The following STIL variants were observed in gnomAD, a reference collection of about 807,000 sequenced individuals.
STIL encodes SCL-interrupting locus protein.
A neutral mutation model predicts 110.1 loss-of-function variants in STIL; 55 were observed. The ratio of observed to expected loss-of-function variants is 0.50; its 90% CI spans 0.40 to 0.63. The LOEUF (loss-of-function observed/expected upper bound fraction) is 0.63. Ranked by LOEUF, STIL falls within the 20% of genes least tolerant of loss-of-function variation. The pLI is 0.00. For synonymous variants in STIL, 481 were observed against 530.0 expected, an observed-to-expected ratio of 0.91 and a Z score of 1.27; for missense variants, 1,358 against 1,530.0, an observed-to-expected ratio of 0.89 and a Z score of 1.87.
intron 12 of STIL, among the ~76,000 whole-genome samples, chr1:47,277,093 C>G (rs760827130): frequency 3.9e-5 from 6 of 152,084 alleles, no homozygotes; most frequent in Non-Finnish European, 7.3e-5. Context: ...TGAGCTCCTT[C>G]CCTGGAGCTT....
chr1:47,293,852 C>G (rs1645566128), intron 7 of STIL, among the ~76,000 whole-genome samples: 1 of 152,030 alleles, frequency 6.6e-6, no homozygotes, highest in African/African-American at 2.4e-5. Flanking sequence ...AAATGGTTAA[C>G]AGAGATGAAA....
intron 7 of STIL, 77 bp downstream of exon 7, chr1:47,295,688 T>G (rs1645621995): frequency 2.0e-6 from 2 of 1,002,604 alleles, no homozygotes; most frequent in Non-Finnish European, 3.1e-6. Flanking sequence ...ATATTTATAG[T>G]ACAACTGAGT....
chr1:47,256,421 G>A (rs2148672968), intron 16 of STIL, among the ~76,000 whole-genome samples: 1 of 151,976 alleles, frequency 6.6e-6, no homozygotes, highest in East Asian at 1.9e-4. Flanking sequence ...AGGAGTTTGA[G>A]ACTAGCCTGG....
At chr1:47,294,896 C>T (rs1645597648) in intron 7 of STIL, among the ~76,000 whole-genome samples, 1 of 152,022 alleles carries the variant, frequency 6.6e-6, no homozygotes, top group East Asian at 1.9e-4. Flanking sequence ...TAAGCCTTCA[C>T]CTTCAACCAG....
In STIL at chr1:47,251,101, C is replaced by T. The variant is rs1569969061; in HGVS notation, c.*35G>A. ...TCCCTAAGTATCTTCAGGAGACACC[C>T]TGTCCCTGTATTAAAAGGGCAGGGA... is the stretch of plus-strand genomic sequence containing the variant. On this transcript the variant is annotated 3_prime_UTR_variant, in exon 17 of 17. Transcript: ENST00000371877. 2 of 1,597,962 alleles carry T rather than the reference C, an allele frequency of 1.3e-6. No individual in the cohort carries two copies. The highest frequency in any genetic ancestry group is 1.7e-6 in the Non-Finnish European group (2 of 1,169,210).
chr1:47,273,086 A>G (rs1465256617), intron 12 of STIL, among the ~76,000 whole-genome samples: 1 of 152,160 alleles, frequency 6.6e-6, no homozygotes, highest in African/African-American at 2.4e-5. Flanking sequence ...TTTTTTTTAC[A>G]AGTAAGAAAA....
chr1:47,250,789 G>A lies in STIL; in HGVS notation c.*347C>T. The A allele has an allele frequency of 4.7e-6, 1 of 213,852 alleles. No homozygotes were observed. The highest frequency in any genetic ancestry group is 1.6e-3 in the Middle Eastern group (1 of 614). The allele number at this position is 213,852 out of a possible 1,614,324, so 13.2% of individuals were successfully genotyped here. A position where few individuals can be genotyped will look rare whatever the true frequency, so the allele number is the denominator to read the frequency against. ...TCTGAGATCCTGCCATTGCACTCCAGCCTGGGCTACAAGAGCAAAACTCCG... is the reference window on the plus strand; with the variant it reads ...TCTGAGATCCTGCCATTGCACTCCAACCTGGGCTACAAGAGCAAAACTCCG... On this transcript the variant is annotated 3_prime_UTR_variant, in exon 17 of 17. Transcript: ENST00000371877.
At chr1:47,275,523 G>A (rs1421704760) in intron 12 of STIL, among the ~76,000 whole-genome samples, 1 of 151,722 alleles carries the variant, frequency 6.6e-6, no homozygotes, top group East Asian at 2.0e-4. Flanking sequence ...CAGGAGAATG[G>A]TGTGAACCCG....
chr1:47,304,013 A>G (rs1557772587), intron 3 of STIL, among the ~76,000 whole-genome samples: 1 of 152,156 alleles, frequency 6.6e-6, no homozygotes, highest in Non-Finnish European at 1.5e-5. Context: ...CCCCTACAAG[A>G]GAACTGTGAA....
In STIL at chr1:47,293,527, G is replaced by A. The variant is rs765000955; in HGVS notation, c.803C>T (p.Thr268Ile). The A allele has an allele frequency of 4.3e-6, 7 of 1,612,726 alleles. No homozygotes were observed. The highest frequency in any genetic ancestry group is 8.5e-7 in the Non-Finnish European group (1 of 1,179,214). Residue 268 changes from threonine (T) to isoleucine (I), a missense_variant, in exon 8 of 17, where the codon ACA becomes ATA. Coordinates refer to ENST00000371877, the MANE Select transcript of STIL (RefSeq NM_001048166.1). ...CCATACCTGAGGACTATAGATATGTGTAATTCCAGACAGCCAACTAAAAGA... is the reference window on the plus strand; with the variant it reads ...CCATACCTGAGGACTATAGATATGTATAATTCCAGACAGCCAACTAAAAGA... ...PLVGIWLSGI[T>I]HIYSPQVWAC...
At chr1:47,289,690 G>A (rs1645420380) in intron 8 of STIL, 105 bp from the exon 9 acceptor site, 1 of 1,186,616 alleles carries the variant, frequency 8.4e-7, no homozygotes, top group Non-Finnish European at 1.2e-6. Context: ...TGACTAAAAG[G>A]TGCAATTTTT....
rs1378473380 is a variant in STIL at position 47,301,748 on chromosome 1, T to G, written c.266A>C (p.Asp89Ala). 1.2e-6 allele frequency: 2 copies of G among 1,613,676 alleles called. No individual in the cohort carries two copies. The highest frequency in any genetic ancestry group is 3.3e-5 in the Admixed American group (2 of 60,014). The change falls in exon 5 of 17, where the codon GAT (aspartate) becomes GCT (alanine). Residue 89 changes from aspartate to alanine, a missense_variant and splice_region_variant. Asp to Ala is a moderately radical substitution (Grantham distance 126). Transcript: ENST00000371877. ...FLLGSLTADE[D>A]EEGVTLTVDR... is the part of the protein sequence containing the mutation. ...TACTGTCAATGTTACACCTTCTTCA[T>G]CTGTAGAACAAAAATAACAGCTATT...
At chr1:47,263,233 T>C in intron 14 of STIL, 117 bp from the exon 15 acceptor site, 1 of 930,572 alleles carries the variant, frequency 1.1e-6, no homozygotes, top group Non-Finnish European at 1.7e-6. Context: ...TTTTTAGCTC[T>C]TAGTGATGAT....
chr1:47,307,023 C>T (rs553115535), intron 2 of STIL, among the ~76,000 whole-genome samples: 35 of 152,248 alleles, frequency 2.3e-4, no homozygotes, highest in African/African-American at 7.7e-4. Flanking sequence ...TGGTGCCACG[C>T]GCCTCTGGTC....
In STIL at chr1:47,276,007, T is replaced by TA. The variant is rs72024120; in HGVS notation, c.2218-3767_2218-3766insT. Among the ~76,000 whole-genome samples the TA allele has an allele frequency of 5.8e-3, 872 of 150,570 alleles. 8 individuals are homozygous for TA. Among genetic ancestry groups the TA allele is most frequent in the African/African-American group, 0.02 (819 of 41,002 alleles). Reference sequence around the variant, plus strand: ...CAGAAAGAGAATGACTCATACTTTTTTTTTTTTCTTTTTGAGACAGAGTCT... The same window carrying TA: ...CAGAAAGAGAATGACTCATACTTTTTATTTTTTTCTTTTTGAGACAGAGTCT... On this transcript the variant is annotated intron_variant, in intron 12 of 16. Coordinates refer to ENST00000371877, the MANE Select transcript of STIL (RefSeq NM_001048166.1).
chr1:47,282,468 T>C lies in STIL; in HGVS notation c.1134-9A>G. The C allele has an allele frequency of 1.3e-6, 2 of 1,544,478 alleles. No individual in the cohort carries two copies. Among genetic ancestry groups the C allele is most frequent in the South Asian group, 1.1e-5 (1 of 89,664 alleles). ...ATAACTTTTGGGAAGACCTAAAGAA[T>C]AGAAGGGGAGACCAGAAAAGCCTTT... On this transcript the variant is annotated splice_polypyrimidine_tract_variant and intron_variant, in intron 10 of 16. Transcript: ENST00000371877.
At chr1:47,263,456 ATC>A in intron 14 of STIL, among the ~76,000 whole-genome samples, 2 of 152,180 alleles carry the variant, frequency 1.3e-5, no homozygotes, top group Non-Finnish European at 2.9e-5. Flanking sequence ...GAGCAAGAGG[ATC>A]ACTTAGCCCA....
chr1:47,288,090 TAA>T (rs1392505025), intron 9 of STIL, among the ~76,000 whole-genome samples: 1 of 148,264 alleles, frequency 6.7e-6, no homozygotes, highest in African/African-American at 2.4e-5. Flanking sequence ...TATATTTATA[TAA>T]AATATATAGA....
chr1:47,268,768 TAAATA>T (rs1644730235), intron 14 of STIL, among the ~76,000 whole-genome samples: 2 of 149,606 alleles, frequency 1.3e-5, no homozygotes, highest in African/African-American at 4.9e-5. Flanking sequence ...CATAAATAAA[TAAATA>T]AATAAATAAA....
Sources: gnomAD v4.1 joint callset for allele counts (sites outside exome capture counted in the v4.1 genomes callset) on GRCh38, gnomAD v4.1.1 for gene constraint, MANE v1.5 for transcripts, NCBI Gene and HGNC (gene_info 2026-07-23, HGNC 2026-07-21) for gene names.